ZNF280A: variants seen among roughly 807,000 people sequenced by gnomAD.
The protein encoded by ZNF280A is zinc finger protein 280A, also known as suppressor of hairy wing homolog 1.
A neutral mutation model predicts 35.9 loss-of-function variants in ZNF280A; 26 were observed. That is an observed-to-expected ratio of 0.72 (90% CI 0.53 to 1.01). The LOEUF is 1.01. ZNF280A is among the 50% of genes least tolerant of loss of function. The pLI, the probability that ZNF280A is intolerant of heterozygous loss-of-function variation, is 0.00. For missense variants in ZNF280A, 654 were observed against 652.0 expected (o/e 1.00, Z -0.03); for synonymous variants, 231 against 232.9 (o/e 0.99, Z 0.07).
In ZNF280A at chr22:22,514,463, C is replaced by T. The variant is rs941789143; in HGVS notation, c.1168G>A (p.Gly390Ser). The T allele has an allele frequency of 2.7e-5, 43 of 1,613,794 alleles. No individual in the cohort carries two copies. Among genetic ancestry groups the T allele is most frequent in the Non-Finnish European group, 3.6e-5 (42 of 1,180,000 alleles). Residue 390 changes from glycine to serine, a missense_variant, in exon 2 of 2, where the codon GGC becomes AGC. By Grantham distance (56) the Gly-to-Ser change is moderately conservative. Transcript: ENST00000302097. ...LQHMKDHHKP[G>S]EMPYVCQVCH... Reference sequence around the variant, plus strand: ...ACCTGGCACACATAAGGCATTTCGCCAGGCTTATGATGGTCCTTCATGTGT... The same window carrying T: ...ACCTGGCACACATAAGGCATTTCGCTAGGCTTATGATGGTCCTTCATGTGT...
rs768517565 is a variant in ZNF280A at position 22,515,456 on chromosome 22, C to T, written c.175G>A (p.Val59Ile). 5.5e-5 allele frequency: 89 copies of T among 1,613,636 alleles called. No individual in the cohort carries two copies. The highest frequency in any genetic ancestry group is 6.9e-5 in the Non-Finnish European group (82 of 1,179,958). Residue 59 changes from valine to isoleucine, a missense_variant, in exon 2 of 2, where the codon GTT (valine) becomes ATT (isoleucine). Coordinates refer to ENST00000302097, the MANE Select transcript of ZNF280A (RefSeq NM_080740.5). ...VGMISNSKPV[V>I]SNILNRVTPG... Reference sequence around the variant, plus strand: ...GTGACTCTGTTCAAAATGTTTGAAACGACTGGTTTTGAATTTGAAATCATC... The same window carrying T: ...GTGACTCTGTTCAAAATGTTTGAAATGACTGGTTTTGAATTTGAAATCATC...
chr22:22,516,445 C>T (rs966031071), intron 1 of ZNF280A, among the ~76,000 whole-genome samples: 9 of 151,924 alleles, frequency 5.9e-5, no homozygotes, highest in Admixed American at 4.6e-4. Flanking sequence ...CTAGTCTGCT[C>T]TATCTTTTAA....
chr22:22,517,050 A>G (rs361882), intron 1 of ZNF280A, among the ~76,000 whole-genome samples: 75,209 of 151,298 alleles, frequency 0.5, 20,731 homozygotes, highest in African/African-American at 0.73. Context: ...ACAGTGAGAT[A>G]TATCATGTCA....
intron 1 of ZNF280A, among the ~76,000 whole-genome samples, chr22:22,517,346 A>AGCAATGCCACGCACCGTG (rs1367022574): frequency 6.6e-6 from 1 of 152,000 alleles, no homozygotes; most frequent in Non-Finnish European, 1.5e-5. Context: ...CAGCTTATAG[A>AGCAATGCCACGCACCGTG]GCAATGTCTG....
chr22:22,519,483 C>G (rs1395838940), intron 1 of ZNF280A, among the ~76,000 whole-genome samples: 1 of 151,924 alleles, frequency 6.6e-6, no homozygotes, highest in African/African-American at 2.4e-5. Context: ...TGCAATCTCT[C>G]GCTGACAAAA....
At chr22:22,516,512 G>A (rs937793185) in intron 1 of ZNF280A, among the ~76,000 whole-genome samples, 2 of 151,884 alleles carry the variant, frequency 1.3e-5, no homozygotes, top group African/African-American at 4.8e-5. Flanking sequence ...CCTGATGGAA[G>A]GTACCATGTT....
In ZNF280A at chr22:22,514,923, A is replaced by G; in HGVS notation, c.708T>C (p.His236=). ...FPWPDANGKA[H]FNLTDPERAS... ...CTCTCTCTGGATCTGTAAGATTGAA[A>G]TGTGCCTTTCCATTAGCATCAGGCC... The change falls in exon 2 of 2, where the codon CAT becomes CAC. Residue 236 remains histidine, a synonymous_variant. Transcript: ENST00000302097. 3.1e-6 allele frequency: 5 copies of G among 1,613,874 alleles called. No individual in the cohort carries two copies. The highest frequency in any genetic ancestry group is 4.2e-6 in the Non-Finnish European group (5 of 1,179,956).
intron 1 of ZNF280A, among the ~76,000 whole-genome samples, chr22:22,516,315 A>ACACACACACACACC (rs1296680302): frequency 1.3e-5 from 2 of 150,882 alleles, no homozygotes; most frequent in African/African-American, 4.9e-5. Flanking sequence ...ACACACACAC[A>ACACACACACACACC]CCCTTTGCTG....
chr22:22,513,821 C>A lies in ZNF280A; in HGVS notation c.*181G>T. ...GGGATGCCCTGTTGGGAGCATTTGA[C>A]TGGGAAAGGGCTCAAAGACTTTGGA... On this transcript the variant is annotated 3_prime_UTR_variant, in exon 2 of 2. Transcript: ENST00000302097. The A allele has an allele frequency of 1.9e-6, 1 of 540,504 alleles. No individual in the cohort carries two copies. Among genetic ancestry groups the A allele is most frequent in the Non-Finnish European group, 3.2e-6 (1 of 309,600 alleles). The allele number at this position is 540,504 out of a possible 1,614,324, so 33.5% of individuals were successfully genotyped here. A position where few individuals can be genotyped will look rare whatever the true frequency, so the allele number is the denominator to read the frequency against.
chr22:22,515,261 C>T lies in ZNF280A; in HGVS notation c.370G>A (p.Gly124Ser). 2 of 1,613,794 alleles carry T rather than the reference C, an allele frequency of 1.2e-6. No individual in the cohort carries two copies. The highest frequency in any genetic ancestry group is 1.7e-5 in the Admixed American group (1 of 59,968). The change falls in exon 2 of 2, where the codon GGT becomes AGT. Residue 124 changes from glycine (G) to serine (S), a missense_variant. By Grantham distance (56) the Gly-to-Ser change is moderately conservative. Transcript: ENST00000302097. ...PVTMKSSSEPGYKMSSPQVVS... is the reference protein window; with the variant it reads ...PVTMKSSSEPSYKMSSPQVVS... ...ACTTGTGGTGAGCTCATTTTATAAC[C>T]AGGTTCAGATGAAGACTTCATAGTG...
In ZNF280A at chr22:22,515,131, C is replaced by T. The variant is rs1323811232; in HGVS notation, c.500G>A (p.Arg167Gln). 1.7e-5 allele frequency: 28 copies of T among 1,613,766 alleles called. No homozygotes were observed. Among genetic ancestry groups the T allele is most frequent in the East Asian group, 2.2e-5 (1 of 44,792 alleles). ...GRNESSPDSK[R>Q]LSTSDINSRD... ...GCTGTTTATATCTGAAGTGGAAAGT[C>T]GCTTTGAATCAGGAGAACTCTCATT... Residue 167 changes from arginine to glutamine, a missense_variant, in exon 2 of 2, where the codon CGA becomes CAA. By Grantham distance (43) the Arg-to-Gln change is conservative. Coordinates refer to ENST00000302097, the MANE Select transcript of ZNF280A (RefSeq NM_080740.5).
chr22:22,518,306 C>G (rs1390036425), intron 1 of ZNF280A, among the ~76,000 whole-genome samples: 1 of 151,872 alleles, frequency 6.6e-6, no homozygotes, highest in Non-Finnish European at 1.5e-5. Context: ...TTGTAGTTCT[C>G]TAATGGATAT....
rs2062040526 is a variant in ZNF280A at position 22,514,148 on chromosome 22, G to C, written c.1483C>G (p.Gln495Glu). Residue 495 changes from glutamine (Q) to glutamate (E), a missense_variant, in exon 2 of 2, where the codon CAA (glutamine) becomes GAA (glutamate). Coordinates refer to ENST00000302097, the MANE Select transcript of ZNF280A (RefSeq NM_080740.5). Reference protein sequence around the residue: ...GLPSETKVIIQTSVQPGSSGM... With the variant: ...GLPSETKVIIETSVQPGSSGM... ...CTTGATCCTGGCTGAACTGAAGTTT[G>C]AATAATAACTTTTGTTTCACTAGGC... is the stretch of plus-strand genomic sequence containing the variant. 6.2e-7 allele frequency: 1 copy of C among 1,613,876 alleles called. No individual in the cohort carries two copies. Among genetic ancestry groups the C allele is most frequent in the Non-Finnish European group, 8.5e-7 (1 of 1,179,980 alleles).
Position 22,514,794 on chromosome 22 carries a change from A to G in ZNF280A, c.837T>C (p.Phe279=), listed in dbSNP as rs2062049728. Reference sequence around the variant, plus strand: ...CATCTCCTTTATGCTGTCCATAGTAAAAGTCGCTAAGTAACACGATGGGAT... The same window carrying G: ...CATCTCCTTTATGCTGTCCATAGTAGAAGTCGCTAAGTAACACGATGGGAT... The part of the protein sequence containing the change: ...KENPIVLLSD[F]YYGQHKGDGQ... The change falls in exon 2 of 2, where the codon TTT becomes TTC. Residue 279 remains phenylalanine (F), a synonymous_variant. Coordinates refer to ENST00000302097, the MANE Select transcript of ZNF280A (RefSeq NM_080740.5). 6.2e-7 allele frequency: 1 copy of G among 1,613,778 alleles called. No homozygotes were observed. The highest frequency in any genetic ancestry group is 1.3e-5 in the African/African-American group (1 of 74,850).
chr22:22,516,226 A>G (rs753962165), intron 1 of ZNF280A, among the ~76,000 whole-genome samples: 1 of 151,688 alleles, frequency 6.6e-6, no homozygotes, highest in African/African-American at 2.4e-5. Flanking sequence ...AGCTATGTTC[A>G]TGCCACTGCA....
At chr22:22,516,071 C>T (rs2062065412) in intron 1 of ZNF280A, among the ~76,000 whole-genome samples, 1 of 151,674 alleles carries the variant, frequency 6.6e-6, no homozygotes, top group Admixed American at 6.6e-5. Flanking sequence ...ACATTCTGCT[C>T]CTAGCCTGGG....
intron 1 of ZNF280A, among the ~76,000 whole-genome samples, chr22:22,516,226 A>T (rs753962165): frequency 2.6e-4 from 40 of 151,688 alleles, no homozygotes; most frequent in Non-Finnish European, 5.4e-4. Flanking sequence ...AGCTATGTTC[A>T]TGCCACTGCA....
rs1601754376 is a variant in ZNF280A at position 22,514,215 on chromosome 22, C to T, written c.1416G>A (p.Lys472=). The change falls in exon 2 of 2, where the codon AAG becomes AAA. Residue 472 remains lysine (K), a synonymous_variant. Coordinates refer to ENST00000302097, the MANE Select transcript of ZNF280A (RefSeq NM_080740.5). ...TLKEEIEHKT[K]DHQTFKKPEQ... ...CCGGCTTTTTAAATGTTTGATGGTC[C>T]TTGGTTTTGTGCTCTATTTCCTCCT... 1.2e-6 allele frequency: 2 copies of T among 1,613,564 alleles called. No homozygotes were observed. The highest frequency in any genetic ancestry group is 2.2e-5 in the South Asian group (2 of 91,034).
Position 22,514,020 on chromosome 22 carries a change from G to A in ZNF280A, c.1611C>T (p.Cys537=). 2.6e-6 allele frequency: 4 copies of A among 1,564,576 alleles called. No individual in the cohort carries two copies. Among genetic ancestry groups the A allele is most frequent in the Non-Finnish European group, 3.5e-6 (4 of 1,146,542 alleles). ...CATATTTTCAGCTAGAATCCTTGCT[G>A]CAAGGGAGTCTGGAATCTCTAGTGT... The part of the protein sequence containing the change: ...AMNTRDSRLP[C]SKDSS The change falls in exon 2 of 2, where the codon TGC becomes TGT. Residue 537 remains cysteine (C), a synonymous_variant. Coordinates refer to ENST00000302097, the MANE Select transcript of ZNF280A (RefSeq NM_080740.5).
Sources: gnomAD v4.1 joint callset for allele counts (sites outside exome capture counted in the v4.1 genomes callset) on GRCh38, gnomAD v4.1.1 for gene constraint, MANE v1.5 for transcripts, NCBI Gene and HGNC (gene_info 2026-07-23, HGNC 2026-07-21) for gene names.